Variants in RBFOX1 observed in about 807,000 individuals in gnomAD.
The protein encoded by RBFOX1 is RNA binding fox-1 homolog 1, also known as RNA binding protein fox-1 homolog 1.
RBFOX1 carries 8 observed loss-of-function variants against 57.7 expected under a neutral mutation model. That is an observed-to-expected ratio of 0.14 (90% CI 0.08 to 0.25). The LOEUF (loss-of-function observed/expected upper bound fraction) is 0.25. Ranked by LOEUF, RBFOX1 falls within the 10% of genes least tolerant of loss-of-function variation. The pLI is 1.00. For missense variants in RBFOX1, 611 were observed against 548.5 expected (o/e 1.11, Z -1.14); for synonymous variants, 326 against 222.4 (o/e 1.47, Z -4.15).
At chr16:6,161,849 A>C (rs952387798) in intron 1 of RBFOX1, among the ~76,000 whole-genome samples, 2 of 152,208 alleles carry the variant, frequency 1.3e-5, no homozygotes, top group African/African-American at 4.8e-5. Flanking sequence ...CCAGCTCCCT[A>C]ATCACTGGGA....
intron 1 of RBFOX1, among the ~76,000 whole-genome samples, chr16:6,161,639 C>G (rs1348706949): frequency 2.6e-5 from 4 of 152,182 alleles, no homozygotes; most frequent in Admixed American, 2.0e-4. Flanking sequence ...TGCCCAACAT[C>G]ATTTAGGGTG....
chr16:6,922,012 T>C (rs2074564457), intron 3 of RBFOX1, among the ~76,000 whole-genome samples: 1 of 152,158 alleles, frequency 6.6e-6, no homozygotes. Context: ...TAACACCTTG[T>C]GGCTATTTAA....
At position 7,653,896 on chromosome 16, in the gene RBFOX1, A is replaced by G. The variant is rs2144812486; in HGVS notation, c.839A>G (p.Tyr280Cys). The G allele has an allele frequency of 1.9e-6, 3 of 1,598,518 alleles. No individual in the cohort carries two copies. Among genetic ancestry groups the G allele is most frequent in the Non-Finnish European group, 2.5e-6 (3 of 1,177,622 alleles). ...CTGCGAGGCCGCGGTCGCACCGTGT[A>G]CAACACCTTCAGGGCCGCGGCGCCC... Reference protein sequence around the residue: ...AHLRGRGRTVYNTFRAAAPPP... With the variant: ...AHLRGRGRTVCNTFRAAAPPP... The change falls in exon 12 of 16, where the codon TAC (tyrosine) becomes TGC (cysteine). Residue 280 changes from tyrosine (Y) to cysteine (C), a missense_variant. Coordinates refer to ENST00000550418, the MANE Select transcript of RBFOX1 (RefSeq NM_018723.4).
At chr16:7,215,057 G>C (rs543887796) in intron 4 of RBFOX1, among the ~76,000 whole-genome samples, 5 of 151,976 alleles carry the variant, frequency 3.3e-5, no homozygotes, top group African/African-American at 4.8e-5. Flanking sequence ...CCCTCTCCTT[G>C]TCTCCACCCC....
chr16:5,977,667 T>C (rs1238323727), intron 4 of RBFOX1, among the ~76,000 whole-genome samples: 2 of 152,108 alleles, frequency 1.3e-5, no homozygotes, highest in South Asian at 4.2e-4. Context: ...CAACTGCTGA[T>C]TGGAAAACAG....
intron 4 of RBFOX1, among the ~76,000 whole-genome samples, chr16:5,970,886 A>G (rs1194311521): frequency 6.6e-6 from 1 of 152,236 alleles, no homozygotes; most frequent in African/African-American, 2.4e-5. Context: ...ATAATATTCA[A>G]GTAAAGTGAC....
chr16:6,058,833 TATCCATCCATCCATCC>T (rs35496154), intron 1 of RBFOX1, among the ~76,000 whole-genome samples: 104 of 134,410 alleles, frequency 7.7e-4, no homozygotes, highest in Non-Finnish European at 1.1e-3. Context: ...CTCATTTATT[TATCCATCCATCCATCC>T]ATCCATCCAT....
At chr16:6,907,235 C>T (rs536173708) in intron 3 of RBFOX1, among the ~76,000 whole-genome samples, 8 of 152,236 alleles carry the variant, frequency 5.3e-5, no homozygotes, top group Admixed American at 1.3e-4. Flanking sequence ...CTACAGTGCG[C>T]AGGATGGCCC....
chr16:6,773,878 C>G (rs112015760), intron 3 of RBFOX1: 3 of 862,778 alleles, frequency 3.5e-6, no homozygotes, highest in Non-Finnish European at 4.2e-6. Flanking sequence ...GTGCGTTTGT[C>G]TGTGTGTATT....
chr16:6,955,199 C>G (rs912141175), intron 3 of RBFOX1, among the ~76,000 whole-genome samples: 1 of 152,026 alleles, frequency 6.6e-6, no homozygotes, highest in Admixed American at 6.6e-5. Context: ...TGAGATGGCA[C>G]CACTGTACTC....
intron 1 of RBFOX1, among the ~76,000 whole-genome samples, chr16:6,058,002 G>T (rs1023646436): frequency 6.6e-6 from 1 of 152,004 alleles, no homozygotes; most frequent in Non-Finnish European, 1.5e-5. Flanking sequence ...TCAGACAAAG[G>T]CCTGACCCGG....
In RBFOX1 at chr16:6,905,247, TA is replaced by T. The variant is rs200217405; in HGVS notation, c.-15-146800del. On this transcript the variant is annotated intron_variant, in intron 3 of 15. Coordinates refer to ENST00000550418, the MANE Select transcript of RBFOX1 (RefSeq NM_018723.4). ...CTAGCTAACAGTCTCTGTAACTGTT[TA>T]AAAAAAAAATTAAAAAAAAGAATGG... 1.8e-3 allele frequency among the ~76,000 whole-genome samples: 263 copies of T among 149,734 alleles called. 1 individual carries two copies. The highest frequency in any genetic ancestry group is 4.1e-3 in the African/African-American group (166 of 40,732).
chr16:5,804,479 G>A (rs1285010228), intron 3 of RBFOX1, among the ~76,000 whole-genome samples: 1 of 152,202 alleles, frequency 6.6e-6, no homozygotes, highest in African/African-American at 2.4e-5. Flanking sequence ...GGATGGCTTT[G>A]TAGGGAGTCC....
chr16:5,758,770 T>A (rs2053486250), intron 3 of RBFOX1, among the ~76,000 whole-genome samples: 2 of 152,140 alleles, frequency 1.3e-5, no homozygotes, highest in African/African-American at 4.8e-5. Flanking sequence ...AGACCTTCAC[T>A]TTTTGGATAG....
At chr16:7,627,284 G>A (rs914101284) in intron 10 of RBFOX1, among the ~76,000 whole-genome samples, 1 of 151,894 alleles carries the variant, frequency 6.6e-6, no homozygotes, top group African/African-American at 2.4e-5. Context: ...CTAATCAAAT[G>A]GGAATCATTG....
At chr16:5,262,878 C>T (rs921116406) in intron 1 of RBFOX1, among the ~76,000 whole-genome samples, 1 of 151,920 alleles carries the variant, frequency 6.6e-6, no homozygotes, top group Non-Finnish European at 1.5e-5. Flanking sequence ...GAAAAACACT[C>T]ACTCCATTGT....
chr16:6,574,866 G>A (rs1459048859), intron 2 of RBFOX1, among the ~76,000 whole-genome samples: 11 of 150,724 alleles, frequency 7.3e-5, no homozygotes, highest in Non-Finnish European at 1.3e-4. Context: ...GTGAAACCCC[G>A]TCTCTACTAA....
At chr16:5,565,480 C>G (rs1368643799) in intron 2 of RBFOX1, among the ~76,000 whole-genome samples, 1 of 151,958 alleles carries the variant, frequency 6.6e-6, no homozygotes, top group Non-Finnish European at 1.5e-5. Context: ...ACAAAATTAG[C>G]TGGGCATGGT....
intron 3 of RBFOX1, among the ~76,000 whole-genome samples, chr16:6,799,220 G>A (rs1214126087): frequency 6.6e-6 from 1 of 152,128 alleles, no homozygotes; most frequent in African/African-American, 2.4e-5. Context: ...GGGAAACCGT[G>A]CACAGCAATA....
Sources: gnomAD v4.1 joint callset for allele counts (sites outside exome capture counted in the v4.1 genomes callset) on GRCh38, gnomAD v4.1.1 for gene constraint, MANE v1.5 for transcripts, NCBI Gene and HGNC (gene_info 2026-07-23, HGNC 2026-07-21) for gene names.